FRMD6: variants seen among roughly 807,000 people sequenced by gnomAD.
The protein encoded by FRMD6 is FERM domain-containing protein 6.
In FRMD6, 37 loss-of-function variants were observed where a neutral mutation model predicts 73.2. The ratio of observed to expected loss-of-function variants is 0.51; its 90% CI spans 0.39 to 0.66. The LOEUF (loss-of-function observed/expected upper bound fraction) is 0.66, where lower values mean the gene tolerates loss of function less well. Among genes scored for constraint, FRMD6 ranks in the 30% least tolerant of loss-of-function variants. The pLI is 0.00. For synonymous variants in FRMD6, 273 were observed against 282.2 expected (o/e 0.97, Z 0.33); for missense variants, 714 against 780.5 (o/e 0.91, Z 1.02).
At chr14:51,719,714 A>G (rs1897425671) in intron 10 of FRMD6, among the ~76,000 whole-genome samples, 1 of 152,194 alleles carries the variant, frequency 6.6e-6, no homozygotes, top group Non-Finnish European at 1.5e-5. Context: ...ATAGCTCTGG[A>G]AGTTTCTAAA....
the FRMD6 span, among the ~76,000 whole-genome samples, chr14:51,465,693 A>C: frequency 6.6e-6 from 1 of 152,232 alleles, no homozygotes. Flanking sequence ...CTATTTGTGC[A>C]GTCACGTGAT....
At chr14:51,468,373 G>T in the FRMD6 span, among the ~76,000 whole-genome samples, 1 of 151,982 alleles carries the variant, frequency 6.6e-6, no homozygotes, top group Non-Finnish European at 1.5e-5. Flanking sequence ...TTTATTTGGT[G>T]CTACTAAAAC....
the FRMD6 span, among the ~76,000 whole-genome samples, chr14:51,430,530 C>A: frequency 6.6e-6 from 1 of 150,830 alleles, no homozygotes; most frequent in African/African-American, 2.4e-5. Flanking sequence ...TAGGCATAAT[C>A]TGGGGTAGAA....
chr14:51,468,454 A>G, the FRMD6 span, among the ~76,000 whole-genome samples: 1 of 152,198 alleles, frequency 6.6e-6, no homozygotes, highest in African/African-American at 2.4e-5. Context: ...TGCATACTGT[A>G]TCCTGTGACT....
At chr14:51,431,144 T>A in the FRMD6 span, among the ~76,000 whole-genome samples, 1 of 152,188 alleles carries the variant, frequency 6.6e-6, no homozygotes, top group Non-Finnish European at 1.5e-5. Context: ...TACCTGTGGA[T>A]GGCCAAGTTC....
the FRMD6 span, among the ~76,000 whole-genome samples, chr14:51,479,615 T>C: frequency 6.6e-6 from 1 of 152,192 alleles, no homozygotes; most frequent in African/African-American, 2.4e-5. Flanking sequence ...CAGGATATGG[T>C]ATATAGGAAG....
chr14:51,588,002 A>G (rs1889154111), intron 2 of FRMD6, among the ~76,000 whole-genome samples: 1 of 151,748 alleles, frequency 6.6e-6, no homozygotes, highest in African/African-American at 2.4e-5. Flanking sequence ...TTTTTCCCCC[A>G]TATTTTCTTT....
rs1002696610 is a variant in FRMD6, at chr14:51,730,662, A to G, written c.*2633A>G. 5 of 152,356 alleles carry G rather than the reference A, an allele frequency of 3.3e-5. No homozygotes were observed. Among genetic ancestry groups the G allele is most frequent in the African/African-American group, 1.2e-4 (5 of 41,446 alleles). 9.4% of individuals were successfully genotyped at this position (152,356 alleles called of 1,614,324 possible). A position where few individuals can be genotyped will look rare whatever the true frequency, so the allele number is the denominator to read the frequency against. ...TAAAAAGAAACCTGCATTATTTTGT[A>G]ATTATTTCTTATAGATATTTCATGG... On this transcript the variant is annotated 3_prime_UTR_variant, in exon 14 of 14. Coordinates refer to ENST00000344768, the MANE Select transcript of FRMD6 (RefSeq NM_001267046.2).
the FRMD6 span, among the ~76,000 whole-genome samples, chr14:51,414,308 T>C: frequency 3.9e-5 from 6 of 152,258 alleles, no homozygotes; most frequent in African/African-American, 1.4e-4. Flanking sequence ...AAGTCTTTAA[T>C]CCATCTTGAA....
chr14:51,545,027 T>C (rs1449494533), intron 1 of FRMD6, among the ~76,000 whole-genome samples: 1 of 152,092 alleles, frequency 6.6e-6, no homozygotes, highest in African/African-American at 2.4e-5. Flanking sequence ...TGGCAACACA[T>C]GAATTAGGAA....
rs116825396 is a variant in FRMD6, at chr14:51,674,253, C to T, written c.-146-15438C>T. Among the ~76,000 whole-genome samples, 1,160 of 152,262 alleles carry T rather than the reference C, an allele frequency of 7.6e-3. 22 individuals carry two copies. Among genetic ancestry groups the T allele is most frequent in the African/African-American group, 0.026 (1,092 of 41,550 alleles). ...TGTTTTCTTCATTCATTCTTCCAAA[C>T]GTGAAAGTCATGAAGGAATATAGGC... On this transcript the variant is annotated intron_variant, in intron 1 of 13. Coordinates refer to ENST00000344768, the MANE Select transcript of FRMD6 (RefSeq NM_001267046.2).
intron 1 of FRMD6, among the ~76,000 whole-genome samples, chr14:51,552,881 G>C (rs1399954517): frequency 6.6e-6 from 1 of 152,138 alleles, no homozygotes; most frequent in African/African-American, 2.4e-5. Flanking sequence ...TCAAGGGTGC[G>C]ACACGTTGCT....
intron 1 of FRMD6, among the ~76,000 whole-genome samples, chr14:51,515,028 A>G (rs1408966770): frequency 6.6e-6 from 1 of 152,200 alleles, no homozygotes; most frequent in Non-Finnish European, 1.5e-5. Flanking sequence ...CCTCTTGTTC[A>G]ACCATGATGG....
At chr14:51,683,503 G>A (rs568931289) in intron 1 of FRMD6, among the ~76,000 whole-genome samples, 1 of 151,688 alleles carries the variant, frequency 6.6e-6, no homozygotes, top group African/African-American at 2.4e-5. Context: ...TTCCCAGACT[G>A]GTCTCCAACT....
At chr14:51,683,769 G>A (rs1340542462) in intron 1 of FRMD6, among the ~76,000 whole-genome samples, 5 of 152,154 alleles carry the variant, frequency 3.3e-5, no homozygotes, top group African/African-American at 1.2e-4. Flanking sequence ...AGGTGTTGTG[G>A]AATCCAGATT....
chr14:51,711,426 T>A (rs1010714545), intron 7 of FRMD6, 105 bp from the exon 8 acceptor site: 53 of 670,790 alleles, frequency 7.9e-5, no homozygotes, highest in Non-Finnish European at 1.1e-4. Flanking sequence ...CAAAAACTTT[T>A]CAGTCCTGAA....
At chr14:51,654,549 A>G (rs1892688562) in intron 1 of FRMD6, among the ~76,000 whole-genome samples, 1 of 150,588 alleles carries the variant, frequency 6.6e-6, no homozygotes, top group African/African-American at 2.4e-5. Flanking sequence ...TTCGATTTGG[A>G]TGTTGCACAT....
At chr14:51,638,141 G>A (rs1891655242) in intron 2 of FRMD6, among the ~76,000 whole-genome samples, 2 of 152,170 alleles carry the variant, frequency 1.3e-5, no homozygotes, top group African/African-American at 2.4e-5. Flanking sequence ...AAAATTAGTT[G>A]AGTGTGGTTG....
chr14:51,477,938 A>G, the FRMD6 span, among the ~76,000 whole-genome samples: 1 of 152,096 alleles, frequency 6.6e-6, no homozygotes, highest in South Asian at 2.1e-4. Flanking sequence ...GGGTTTTGCC[A>G]TGTTGGCCAG....
Sources: allele counts gnomAD v4.1 joint callset (sites outside exome capture counted in the v4.1 genomes callset), GRCh38; gene constraint gnomAD v4.1.1; transcripts MANE v1.5; gene names NCBI Gene and HGNC (gene_info 2026-07-23, HGNC 2026-07-21).